MDN1: variants seen among roughly 807,000 people sequenced by gnomAD.
The protein encoded by MDN1 is midasin AAA ATPase 1, also known as midasin.
A neutral mutation model predicts 669.2 loss-of-function variants in MDN1; 266 were observed. The ratio of observed to expected loss-of-function variants is 0.40; its 90% CI spans 0.36 to 0.44. The LOEUF is 0.44. Ranked by LOEUF, MDN1 falls within the 20% of genes least tolerant of loss-of-function variation. MDN1 has a pLI of 1.00. For synonymous variants in MDN1, 2,385 were observed against 2,457.1 expected (o/e 0.97, Z 0.87); for missense variants, 5,940 against 6,754.0 (o/e 0.88, Z 4.22).
At chr6:89,700,519 T>C in intron 56 of MDN1, 127 bp downstream of exon 56, 1 of 873,778 alleles carries the variant, frequency 1.1e-6, no homozygotes, top group South Asian at 1.7e-5. Flanking sequence ...GACACTTATA[T>C]AAAGGTATAT....
intron 100 of MDN1, 68 bp from the exon 101 acceptor site, chr6:89,645,225 C>A: frequency 6.1e-6 from 9 of 1,486,188 alleles, no homozygotes; most frequent in South Asian, 1.3e-5. Flanking sequence ...CACAACTACC[C>A]AAAGTAGGAC....
At chr6:89,656,184 AAC>A (rs955202152) in intron 91 of MDN1, among the ~76,000 whole-genome samples, 2 of 152,178 alleles carry the variant, frequency 1.3e-5, no homozygotes, top group South Asian at 2.1e-4. Flanking sequence ...AAGGCAAAGA[AAC>A]ACACTTTCAC....
In MDN1 at chr6:89,693,312, A is replaced by G. The variant is rs558873921; in HGVS notation, c.9882-164T>C. 2.2e-3 allele frequency among the ~76,000 whole-genome samples: 340 copies of G among 152,308 alleles called. 1 individual carries two copies. The highest frequency in any genetic ancestry group is 7.9e-3 in the African/African-American group (328 of 41,562). On this transcript the variant is annotated intron_variant, in intron 62 of 101. Coordinates refer to ENST00000369393, the MANE Select transcript of MDN1 (RefSeq NM_014611.3). ...TAATACTGACAATTAGTTAATGAAA[A>G]TGGATAACATTTACACAGCAGTTAC...
chr6:89,687,217 C>G (rs1355898506), intron 68 of MDN1, 127 bp downstream of exon 68: 2 of 1,148,544 alleles, frequency 1.7e-6, no homozygotes, highest in Non-Finnish European at 2.5e-6. Context: ...ACTTTTAACT[C>G]TGTGATTAAT....
At chr6:89,715,063 G>A (rs560577058) in intron 45 of MDN1, among the ~76,000 whole-genome samples, 1 of 152,252 alleles carries the variant, frequency 6.6e-6, no homozygotes, top group African/African-American at 2.4e-5. Context: ...AGCAGAACAG[G>A]AAGCAAGTGT....
intron 93 of MDN1, 121 bp from the exon 94 acceptor site, chr6:89,653,276 T>C: frequency 1.1e-6 from 1 of 952,234 alleles, no homozygotes; most frequent in South Asian, 1.8e-5. Context: ...CTCCAACACA[T>C]TTCCACATGT....
intron 19 of MDN1, among the ~76,000 whole-genome samples, chr6:89,757,918 T>G (rs1011737144): frequency 1.3e-5 from 2 of 152,040 alleles, no homozygotes; most frequent in African/African-American, 4.8e-5. Context: ...CATGGTAGCA[T>G]GCACCTGTAG....
intron 33 of MDN1, among the ~76,000 whole-genome samples, chr6:89,734,691 A>AAAAAACGAG (rs1554188774): frequency 1.7e-4 from 19 of 112,972 alleles, no homozygotes; most frequent in East Asian, 3.4e-4. Flanking sequence ...AAAAAAAAAC[A>AAAAAACGAG]AGAGAGAGAG....
chr6:89,759,185 A>T (rs1817409607), intron 17 of MDN1, among the ~76,000 whole-genome samples: 1 of 152,216 alleles, frequency 6.6e-6, no homozygotes, highest in African/African-American at 2.4e-5. Context: ...AGAGAGATGC[A>T]ATAAACTAAA....
chr6:89,656,075 G>T, intron 91 of MDN1, 107 bp from the exon 92 acceptor site: 1 of 965,926 alleles, frequency 1.0e-6, no homozygotes, highest in Non-Finnish European at 1.5e-6. Flanking sequence ...ATCAGGTGTA[G>T]CCATACAAGA....
Position 89,650,006 on chromosome 6 carries a change from T to C in MDN1, c.16206+18A>G, listed in dbSNP as rs1304354489. Reference sequence around the variant, plus strand: ...TGTTAATTTCCTATCAAACTGCCACTGCATTTCTCTTCCTTACCTGCTTGG... The same window carrying C: ...TGTTAATTTCCTATCAAACTGCCACCGCATTTCTCTTCCTTACCTGCTTGG... On this transcript the variant is annotated intron_variant, in intron 97 of 101. Coordinates refer to ENST00000369393, the MANE Select transcript of MDN1 (RefSeq NM_014611.3). 2.3e-5 allele frequency: 37 copies of C among 1,613,358 alleles called. No homozygotes were observed. In the East Asian group the frequency reaches 8.0e-4, roughly 35 times the overall value.
Position 89,748,354 on chromosome 6 carries a change from T to C in MDN1, c.3762+869A>G, listed in dbSNP as rs533804730. On this transcript the variant is annotated intron_variant, in intron 26 of 101. Coordinates refer to ENST00000369393, the MANE Select transcript of MDN1 (RefSeq NM_014611.3). ...AACAAACAAAAAGTAATGCAAATGG[T>C]GGCAAAGATGCAGGAAGATTAGTGA... 3.3e-5 allele frequency among the ~76,000 whole-genome samples: 5 copies of C among 152,254 alleles called. No individual in the cohort carries two copies. The South Asian group carries it at 1.0e-3, about 32-fold the overall frequency.
At position 89,772,716 on chromosome 6, in the gene MDN1, T is replaced by C; in HGVS notation, c.1940A>G (p.Lys647Arg). Reference sequence around the variant, plus strand: ...CGGCCGTGTAGCAGCGAAAGTGAACTTCTCCCTGGGAAGGAGAAAAAAAGA... The same window carrying C: ...CGGCCGTGTAGCAGCGAAAGTGAACCTCTCCCTGGGAAGGAGAAAAAAAGA... ...QSEAVHLQRE[K>R]FTFAATRPSS... is the part of the protein sequence containing the mutation. The change falls in exon 14 of 102, where the codon AAG (lysine) becomes AGG (arginine). Residue 647 changes from lysine to arginine, a missense_variant. This residue lies in a region of MDN1 where 1,203 missense variants were observed against 1,268.9 expected (regional missense o/e 0.95). Transcript: ENST00000369393. 3 of 1,613,260 alleles carry C rather than the reference T, an allele frequency of 1.9e-6. No homozygotes were observed. The highest frequency in any genetic ancestry group is 2.5e-6 in the Non-Finnish European group (3 of 1,179,722).
intron 48 of MDN1, among the ~76,000 whole-genome samples, 156 bp from the exon 49 acceptor site, chr6:89,712,412 A>C (rs1215060235): frequency 1.3e-5 from 2 of 152,210 alleles, no homozygotes; most frequent in Non-Finnish European, 2.9e-5. Context: ...ATACCTAATA[A>C]ATAATCAATA....
At chr6:89,668,305 C>A (rs1431147880) in intron 83 of MDN1, among the ~76,000 whole-genome samples, 154 bp from the exon 84 acceptor site, 1 of 152,362 alleles carries the variant, frequency 6.6e-6, no homozygotes, top group African/African-American at 2.4e-5. Flanking sequence ...AGACTTCTGA[C>A]ATTCTTCTCC....
chr6:89,812,697 A>G (rs1240844547), intron 1 of MDN1, among the ~76,000 whole-genome samples: 1 of 152,124 alleles, frequency 6.6e-6, no homozygotes, highest in African/African-American at 2.4e-5. Context: ...TTCTCAAAGC[A>G]GAGTTAATTA....
At chr6:89,679,998 C>A (rs2325236) in intron 74 of MDN1, among the ~76,000 whole-genome samples, 127,610 of 152,178 alleles carry the variant, frequency 0.84, 53,717 homozygotes, top group East Asian at 1. Context: ...TCATTAAAGG[C>A]AGGCCACCCT....
chr6:89,758,383 A>T (rs1488925861), intron 18 of MDN1, 32 bp from the exon 19 acceptor site: 1 of 1,534,530 alleles, frequency 6.5e-7, no homozygotes, highest in Non-Finnish European at 8.9e-7. Context: ...TTCTCAACAA[A>T]GGTATGATTA....
At chr6:89,712,852 A>G in intron 47 of MDN1, 66 bp from the exon 48 acceptor site, 2 of 1,452,868 alleles carry the variant, frequency 1.4e-6, no homozygotes, top group Non-Finnish European at 1.9e-6. Context: ...AAAAACCAGC[A>G]AAGTAATAAT....
Sources: allele counts gnomAD v4.1 joint callset (sites outside exome capture counted in the v4.1 genomes callset), GRCh38; gene constraint gnomAD v4.1.1; regional missense constraint gnomAD v4.1.1; transcripts MANE v1.5; gene names NCBI Gene and HGNC (gene_info 2026-07-23, HGNC 2026-07-21).